The following MECOM variants were observed in gnomAD, a reference collection of about 807,000 sequenced individuals.
The protein encoded by MECOM is MDS1 and EVI1 complex locus, also known as histone-lysine N-methyltransferase MECOM.
A neutral mutation model predicts 116.3 loss-of-function variants in MECOM; 13 were observed. The observed-to-expected ratio is 0.11, with a 90% CI of 0.07 to 0.18. The LOEUF (loss-of-function observed/expected upper bound fraction) is 0.18. Ranked by LOEUF, MECOM falls within the 10% of genes least tolerant of loss-of-function variation. The pLI, the probability that MECOM is intolerant of heterozygous loss-of-function variation, is 1.00. For missense variants in MECOM, 1,299 were observed against 1,509.0 expected, an observed-to-expected ratio of 0.86 and a Z score of 2.31; for synonymous variants, 528 against 535.2, an observed-to-expected ratio of 0.99 and a Z score of 0.19.
At chr3:169,433,700 AAAAG>A (rs1235560589) in intron 1 of MECOM, among the ~76,000 whole-genome samples, 4 of 141,644 alleles carry the variant, frequency 2.8e-5, no homozygotes, top group Non-Finnish European at 6.2e-5. Context: ...AGAAAGAAAG[AAAAG>A]AAAGAAAGAA....
At chr3:169,147,212 G>A (rs983732022) in intron 2 of MECOM, 9 of 985,506 alleles carry the variant, frequency 9.1e-6, no homozygotes, top group Admixed American at 6.1e-5. Context: ...GTTCCAATGG[G>A]GGAAAACAAG....
intron 2 of MECOM, among the ~76,000 whole-genome samples, chr3:169,315,331 G>T (rs1041542320): frequency 1.3e-5 from 2 of 152,156 alleles, no homozygotes; most frequent in South Asian, 4.1e-4. Flanking sequence ...GTCTCACACT[G>T]TCCTGTTTGG....
At chr3:169,471,069 C>T (rs1749148433) in intron 1 of MECOM, among the ~76,000 whole-genome samples, 1 of 151,946 alleles carries the variant, frequency 6.6e-6, no homozygotes, top group Non-Finnish European at 1.5e-5. Flanking sequence ...TTCCCCAATA[C>T]CCCCATCCCC....
rs1216299979 is a variant in MECOM at position 169,102,162 on chromosome 3, C to G, written c.2669G>C (p.Ser890Thr). 1 of 1,613,802 alleles carries G rather than the reference C, an allele frequency of 6.2e-7. No individual in the cohort carries two copies. The highest frequency in any genetic ancestry group is 2.2e-5 in the East Asian group (1 of 44,890). The change falls in exon 11 of 17, where the codon AGT (serine) becomes ACT (threonine). Residue 890 changes from serine (S) to threonine (T), a missense_variant. Physicochemically the swap from Ser to Thr is moderately conservative, Grantham distance 58. Coordinates refer to ENST00000651503, the MANE Select transcript of MECOM (RefSeq NM_004991.4). ...AGAGGGCACTGACTGTAAGAGCTCA[C>G]TGGCCTCAGGTTTCAGGGCACTGAA... ...ESFSALKPEA[S>T]ELLQSVPSMF... is the part of the protein sequence containing the mutation.
At chr3:169,413,441 C>T (rs1022014501) in intron 1 of MECOM, among the ~76,000 whole-genome samples, 3 of 151,900 alleles carry the variant, frequency 2.0e-5, no homozygotes, top group African/African-American at 7.3e-5. Context: ...TTTGGGCAGA[C>T]ACCAAGCTAG....
At chr3:169,200,198 C>T (rs916264827) in intron 2 of MECOM, among the ~76,000 whole-genome samples, 2 of 152,022 alleles carry the variant, frequency 1.3e-5, no homozygotes, top group Non-Finnish European at 2.9e-5. Context: ...CAATTCAAAG[C>T]TATTCTTTGG....
In MECOM at chr3:169,534,548, T is replaced by TAA. The variant is rs150716980; in HGVS notation, c.37+128786_37+128787dup. Among the ~76,000 whole-genome samples, 281 of 151,404 alleles carry TAA rather than the reference T, an allele frequency of 1.9e-3. 2 individuals are homozygous for TAA. Among genetic ancestry groups the TAA allele is most frequent in the South Asian group, 3.1e-3 (15 of 4,766 alleles). ...CCACTCCCCCCATTCTTCCTTTTATTAAAAAAAAACCCTACTGACTTTTAT... is the reference window on the plus strand; with the variant it reads ...CCACTCCCCCCATTCTTCCTTTTATTAAAAAAAAAAACCCTACTGACTTTTAT... On this transcript the variant is annotated intron_variant, in intron 1 of 16. Transcript: ENST00000651503.
At chr3:169,229,372 G>T (rs1453951262) in intron 2 of MECOM, among the ~76,000 whole-genome samples, 1 of 152,144 alleles carries the variant, frequency 6.6e-6, no homozygotes, top group Non-Finnish European at 1.5e-5. Flanking sequence ...GAACCCAAAG[G>T]CTTATGAGAC....
At chr3:169,632,771 T>A (rs767030333) in intron 1 of MECOM, among the ~76,000 whole-genome samples, 15 of 152,234 alleles carry the variant, frequency 9.9e-5, no homozygotes, top group Non-Finnish European at 1.9e-4. Flanking sequence ...AGTTAGCTTA[T>A]CCCAAAGGTC....
chr3:169,317,256 G>A (rs1018779617), intron 2 of MECOM, among the ~76,000 whole-genome samples: 5 of 152,076 alleles, frequency 3.3e-5, no homozygotes, highest in African/African-American at 1.2e-4. Flanking sequence ...AAAACGAATT[G>A]AATGATACTA....
In MECOM at chr3:169,090,079, T is replaced by C. The variant is rs752722841; in HGVS notation, c.3322A>G (p.Asn1108Asp). 1.2e-6 allele frequency: 2 copies of C among 1,613,700 alleles called. No homozygotes were observed. Among genetic ancestry groups the C allele is most frequent in the South Asian group, 1.1e-5 (1 of 91,076 alleles). ...GKTGKEPVTS[N>D]LHEGNPEDDY... ...TCCTCAGGGTTTCCTTCATGTAAAT[T>C]ACTTGTCACTGGTTCCTTTCCTGTT... Residue 1108 changes from asparagine to aspartate, a missense_variant, in exon 15 of 17, where the codon AAT (asparagine) becomes GAT (aspartate). By Grantham distance (23) the Asn-to-Asp change is conservative. Around this residue, in one of 6 missense-constraint regions of MECOM, gnomAD observed 273 missense variants for 289.3 expected, o/e 0.94. Transcript: ENST00000651503.
At chr3:169,548,443 A>G (rs1760985731) in intron 1 of MECOM, among the ~76,000 whole-genome samples, 2 of 152,236 alleles carry the variant, frequency 1.3e-5, no homozygotes, top group Admixed American at 1.3e-4. Context: ...ATTCATAGGT[A>G]CGCAATTAAT....
At chr3:169,249,496 C>A (rs1192626877) in intron 2 of MECOM, among the ~76,000 whole-genome samples, 2 of 152,210 alleles carry the variant, frequency 1.3e-5, no homozygotes, top group African/African-American at 4.8e-5. Context: ...CCAGTTGCAT[C>A]CTTTCCACTT....
chr3:169,549,740 T>G (rs16854069), intron 1 of MECOM, among the ~76,000 whole-genome samples: 7,698 of 152,296 alleles, frequency 0.051, 436 homozygotes, highest in East Asian at 0.33. Context: ...ACCCAGATTT[T>G]CAGCATAGCT....
chr3:169,088,992 A>C lies in MECOM; in HGVS notation c.3585+8T>G, dbSNP rs761498391. 10 of 1,576,458 alleles carry C rather than the reference A, an allele frequency of 6.3e-6. No individual in the cohort carries two copies. In the Admixed American group the frequency reaches 1.5e-4, roughly 24 times the overall value. ...AACCATGATGCTGTACTATGGGAAA[A>C]TCTGTACCTGCGATTTGGACTTTCT... is the stretch of plus-strand genomic sequence containing the variant. On this transcript the variant is annotated splice_region_variant and intron_variant, in intron 16 of 16. Transcript: ENST00000651503.
intron 2 of MECOM, among the ~76,000 whole-genome samples, chr3:169,169,496 T>A (rs1189340338): frequency 6.6e-6 from 1 of 152,196 alleles, no homozygotes; most frequent in East Asian, 1.9e-4. Flanking sequence ...GGTGGCATAC[T>A]TTCTCTCATA....
chr3:169,268,264 C>A (rs1472576295), intron 2 of MECOM, among the ~76,000 whole-genome samples: 4 of 152,150 alleles, frequency 2.6e-5, no homozygotes, highest in African/African-American at 4.8e-5. Context: ...TAATATTTAA[C>A]CAACCTAAAC....
Position 169,404,785 on chromosome 3 carries a change from G to A in MECOM, c.38-23261C>T, listed in dbSNP as rs543346876. The stretch of plus-strand genomic sequence containing the variant: ...GTATGATGGATGATGATGGATCGCA[G>A]CACCACCAAAACCGTGTGAATTTCC... On this transcript the variant is annotated intron_variant, in intron 1 of 16. Coordinates refer to ENST00000651503, the MANE Select transcript of MECOM (RefSeq NM_004991.4). Among the ~76,000 whole-genome samples, 5 of 152,292 alleles carry A rather than the reference G, an allele frequency of 3.3e-5. No homozygotes were observed. The East Asian group carries it at 5.8e-4, about 18-fold the overall frequency.
At chr3:169,468,041 A>T (rs543871572) in intron 1 of MECOM, among the ~76,000 whole-genome samples, 1 of 152,208 alleles carries the variant, frequency 6.6e-6, no homozygotes, top group African/African-American at 2.4e-5. Context: ...ATTTTCCCCC[A>T]AAGCCATTGC....
Sources: gnomAD v4.1 joint callset for allele counts (sites outside exome capture counted in the v4.1 genomes callset) on GRCh38, gnomAD v4.1.1 for gene constraint, gnomAD v4.1.1 regional missense constraint, MANE v1.5 for transcripts, NCBI Gene and HGNC (gene_info 2026-07-23, HGNC 2026-07-21) for gene names.